The following C5 variants were observed in gnomAD, a reference collection of about 807,000 sequenced individuals.
The protein encoded by C5 is C3 and PZP-like alpha-2-macroglobulin domain-containing protein 4.
A neutral mutation model predicts 218.8 loss-of-function variants in C5; 140 were observed. The observed-to-expected ratio is 0.64, with a 90% CI of 0.56 to 0.74. C5 has a LOEUF of 0.74. Among genes scored for constraint, C5 ranks in the 30% least tolerant of loss-of-function variants. C5 has a pLI of 0.00. For missense variants in C5, 1,700 were observed against 1,969.6 expected (o/e 0.86, Z 2.59); for synonymous variants, 614 against 682.3 (o/e 0.90, Z 1.56).
chr9:120,954,743 G>C (rs1334440719), intron 39 of C5, among the ~76,000 whole-genome samples: 1 of 152,206 alleles, frequency 6.6e-6, no homozygotes, highest in Admixed American at 6.5e-5. Flanking sequence ...AAAAACTTCT[G>C]AACCAATTGG....
intron 7 of C5, among the ~76,000 whole-genome samples, chr9:121,028,335 C>T (rs989538845): frequency 2.0e-5 from 3 of 152,184 alleles, no homozygotes; most frequent in African/African-American, 7.2e-5. Context: ...CCAGTGATTC[C>T]ATTACTGCGT....
Position 121,017,243 on chromosome 9 carries a change from A to G in C5, c.1866+119T>C, listed in dbSNP as rs902321839. ...AGGAGGATGGTTTACCTTCCTAAAAATGAGTATGTTGAGTAGATTACAGAA... is the reference window on the plus strand; with the variant it reads ...AGGAGGATGGTTTACCTTCCTAAAAGTGAGTATGTTGAGTAGATTACAGAA... On this transcript the variant is annotated intron_variant, in intron 14 of 40. Coordinates refer to ENST00000223642, the MANE Select transcript of C5 (RefSeq NM_001735.3). 24 of 1,187,572 alleles carry G rather than the reference A, an allele frequency of 2.0e-5. No individual in the cohort carries two copies. The African/African-American group carries it at 3.6e-4, about 18-fold the overall frequency. 73.6% of individuals were successfully genotyped at this position (1,187,572 alleles called of 1,614,324 possible).
chr9:121,031,994 C>T (rs1164153729), intron 6 of C5, 119 bp downstream of exon 6: 8 of 597,860 alleles, frequency 1.3e-5, no homozygotes, highest in South Asian at 4.6e-5. Context: ...ACCCAGGAGG[C>T]GGAGGTTGCA....
rs572386161 is a variant in C5, at chr9:121,008,758, C to T, written c.2258-260G>A. Among the ~76,000 whole-genome samples the T allele has an allele frequency of 1.9e-3, 295 of 152,112 alleles. 2 individuals carry two copies. The highest frequency in any genetic ancestry group is 6.9e-3 in the African/African-American group (285 of 41,482). On this transcript the variant is annotated intron_variant, in intron 17 of 40. Coordinates refer to ENST00000223642, the MANE Select transcript of C5 (RefSeq NM_001735.3). ...CAGCCTGGCCAACATGTTGAAACCC[C>T]GTCTCTACTAAAAACACAAAAATTA... is the stretch of plus-strand genomic sequence containing the variant.
In C5 at chr9:120,952,597, G is replaced by T; in HGVS notation, c.*142C>A. The T allele has an allele frequency of 1.3e-6, 1 of 766,286 alleles. No homozygotes were observed. Among genetic ancestry groups the T allele is most frequent in the Non-Finnish European group, 2.1e-6 (1 of 473,034 alleles). The allele number at this position is 766,286 out of a possible 1,614,324, so 47.5% of individuals were successfully genotyped here. A position where few individuals can be genotyped will look rare whatever the true frequency, so the allele number is the denominator to read the frequency against. ...CATTTGAAATCATTCTCTAATAAAA[G>T]CAAGTGCCACTAATTCTAAGTAAAG... On this transcript the variant is annotated 3_prime_UTR_variant, in exon 41 of 41. Coordinates refer to ENST00000223642, the MANE Select transcript of C5 (RefSeq NM_001735.3).
chr9:120,982,925 A>C (rs1433671282), intron 25 of C5, 111 bp from the exon 26 acceptor site: 4 of 664,494 alleles, frequency 6.0e-6, no homozygotes, highest in Non-Finnish European at 1.0e-5. Flanking sequence ...TAAAACATGC[A>C]ATTCCAAAGT....
chr9:120,962,053 G>T (rs2046831450), intron 36 of C5, among the ~76,000 whole-genome samples: 1 of 152,162 alleles, frequency 6.6e-6, no homozygotes, highest in Admixed American at 6.5e-5. Flanking sequence ...ACTGCCCAAG[G>T]TGGAGTCATC....
At chr9:121,020,990 G>A (rs1163208190) in intron 11 of C5, among the ~76,000 whole-genome samples, 2 of 152,186 alleles carry the variant, frequency 1.3e-5, no homozygotes, top group African/African-American at 2.4e-5. Flanking sequence ...ATTGGCCTAT[G>A]TTATTATGTT....
chr9:120,977,287 TGTAAA>T (rs2046960716), intron 28 of C5, among the ~76,000 whole-genome samples: 1 of 152,196 alleles, frequency 6.6e-6, no homozygotes, highest in Non-Finnish European at 1.5e-5. Flanking sequence ...TCAAGCTGTG[TGTAAA>T]GTATATATGA....
chr9:121,033,572 G>A (rs1038326979), intron 5 of C5, among the ~76,000 whole-genome samples: 36 of 152,254 alleles, frequency 2.4e-4, no homozygotes, highest in Non-Finnish European at 2.4e-4. Context: ...TTGCCATGGG[G>A]CAAGTGGCAC....
In C5 at chr9:120,960,928, A is replaced by G. The variant is rs570173090; in HGVS notation, c.4588+554T>C. On this transcript the variant is annotated intron_variant, in intron 37 of 40. Coordinates refer to ENST00000223642, the MANE Select transcript of C5 (RefSeq NM_001735.3). ...CCCAAAATGATAATGTGACTGATTT[A>G]TAGCTATAAAATGGCACAATAAGTA... is the stretch of plus-strand genomic sequence containing the variant. Among the ~76,000 whole-genome samples, 15 of 152,346 alleles carry G rather than the reference A, an allele frequency of 9.8e-5. 1 individual carries two copies. In the South Asian group the frequency reaches 2.3e-3, roughly 23 times the overall value.
intron 5 of C5, among the ~76,000 whole-genome samples, chr9:121,033,281 C>T (rs191652740): frequency 9.3e-4 from 142 of 152,112 alleles, no homozygotes; most frequent in African/African-American, 3.3e-3. Context: ...AATAAAAATG[C>T]CAGCAAGCAA....
intron 3 of C5, among the ~76,000 whole-genome samples, chr9:121,040,011 T>C (rs1024586037): frequency 1.3e-5 from 2 of 152,244 alleles, no homozygotes; most frequent in Non-Finnish European, 2.9e-5. Context: ...GACATGGACA[T>C]CTTTTAATGG....
intron 3 of C5, among the ~76,000 whole-genome samples, chr9:121,038,368 T>C (rs970641910): frequency 2.3e-4 from 35 of 152,158 alleles, no homozygotes; most frequent in Admixed American, 6.5e-5. Flanking sequence ...AAGATCTTAA[T>C]GGAAAATTGG....
intron 31 of C5, 40 bp from the exon 32 acceptor site, chr9:120,970,291 G>T: frequency 7.3e-7 from 1 of 1,373,682 alleles, no homozygotes. Context: ...TCTATTTAAA[G>T]TGGGAAAGTG....
At chr9:121,033,138 G>A (rs986514899) in intron 5 of C5, among the ~76,000 whole-genome samples, 2 of 151,762 alleles carry the variant, frequency 1.3e-5, no homozygotes, top group Admixed American at 1.3e-4. Flanking sequence ...GTCCACAAAT[G>A]TTAATAGTAT....
Position 121,006,880 on chromosome 9 carries a change from CATAT to C in C5, c.2422+20_2422+23del, listed in dbSNP as rs1185303172. 1.4e-6 allele frequency: 2 copies of C among 1,427,618 alleles called. No individual in the cohort carries two copies. Among genetic ancestry groups the C allele is most frequent in the Non-Finnish European group, 2.0e-6 (2 of 1,009,610 alleles). The allele number at this position is 1,427,618 out of a possible 1,614,324, so 88.4% of individuals were successfully genotyped here. A position where few individuals can be genotyped will look rare whatever the true frequency, so the allele number is the denominator to read the frequency against. On this transcript the variant is annotated intron_variant, in intron 19 of 40. Coordinates refer to ENST00000223642, the MANE Select transcript of C5 (RefSeq NM_001735.3). Reference sequence around the variant, plus strand: ...TGCTAATCAAATCACTATTTAAATGCATATATCACTTAAACCTGCTTACCAGTGT... The same window carrying C: ...TGCTAATCAAATCACTATTTAAATGCATCACTTAAACCTGCTTACCAGTGT...
chr9:120,959,674 C>G lies in C5; in HGVS notation c.4678+574G>C, dbSNP rs2046812196. On this transcript the variant is annotated intron_variant, in intron 38 of 40. Transcript: ENST00000223642. ...AAAAACTGAATAGATAACAAAGGAG[C>G]TAATTTTATCAGGAACTGAGACAAG... 2.6e-5 allele frequency among the ~76,000 whole-genome samples: 4 copies of G among 152,108 alleles called. No homozygotes were observed. The South Asian group carries it at 8.3e-4, about 32-fold the overall frequency.
rs754188505 is a variant in C5, at chr9:120,970,210, A to G, written c.4122T>C (p.Val1374=). ...TATCGATTTTCAAATAAAAGCTGCA[A>G]ACTTCCTCAGAGGTACTGGTTTTGT... The part of the protein sequence containing the change: ...VVHKTSTSEE[V]CSFYLKIDTQ... Residue 1374 remains valine, a synonymous_variant, in exon 32 of 41, where the codon GTT becomes GTC. Coordinates refer to ENST00000223642, the MANE Select transcript of C5 (RefSeq NM_001735.3). 1 of 1,613,686 alleles carries G rather than the reference A, an allele frequency of 6.2e-7. No homozygotes were observed. The highest frequency in any genetic ancestry group is 1.1e-5 in the South Asian group (1 of 91,066).
Sources: gnomAD v4.1 joint callset for allele counts (sites outside exome capture counted in the v4.1 genomes callset) on GRCh38, gnomAD v4.1.1 for gene constraint, MANE v1.5 for transcripts, NCBI Gene and HGNC (gene_info 2026-07-23, HGNC 2026-07-21) for gene names.